The following ZCRB1 variants were observed in gnomAD, a reference collection of about 807,000 sequenced individuals.
ZCRB1 encodes zinc finger CCHC-type and RNA-binding motif-containing protein 1.
A neutral mutation model predicts 29.9 loss-of-function variants in ZCRB1; 21 were observed. The ratio of observed to expected loss-of-function variants is 0.70; its 90% CI spans 0.50 to 1.01. The LOEUF (loss-of-function observed/expected upper bound fraction) is 1.01, where lower values mean the gene tolerates loss of function less well. ZCRB1 is among the 50% of genes least tolerant of loss of function. The pLI is 0.00. For synonymous variants in ZCRB1, 77 were observed against 80.0 expected, an observed-to-expected ratio of 0.96 and a Z score of 0.20; for missense variants, 204 against 253.3, an observed-to-expected ratio of 0.81 and a Z score of 1.32.
At chr12:42,313,830 C>G (rs202175958) in intron 6 of ZCRB1, 44 bp downstream of exon 6, 2 of 1,610,460 alleles carry the variant, frequency 1.2e-6, no homozygotes, top group Non-Finnish European at 1.7e-6. Context: ...AACCAAAAGA[C>G]AAAAGCAACA....
rs2068578002 is a variant in ZCRB1 at position 42,313,189 on chromosome 12, T to C, written c.532A>G (p.Ile178Val). ...SQAIAFQQAK[I>V]EEEQKKWKPS... ...TTCCATTTTTTTTGTTCTTCTTCAATTTTGGCTTGCTGTGATTCAAAAAAC... is the reference window on the plus strand; with the variant it reads ...TTCCATTTTTTTTGTTCTTCTTCAACTTTGGCTTGCTGTGATTCAAAAAAC... The change falls in exon 8 of 8, where the codon ATT (isoleucine) becomes GTT (valine). Residue 178 changes from isoleucine to valine, a missense_variant. By Grantham distance (29) the Ile-to-Val change is conservative (BLOSUM62 3). Transcript: ENST00000266529. 6.2e-7 allele frequency: 1 copy of C among 1,609,368 alleles called. No individual in the cohort carries two copies. The highest frequency in any genetic ancestry group is 1.3e-5 in the African/African-American group (1 of 74,586).
chr12:42,318,533 GGA>G (rs1230308927), intron 3 of ZCRB1, among the ~76,000 whole-genome samples: 1 of 152,178 alleles, frequency 6.6e-6, no homozygotes, highest in African/African-American at 2.4e-5. Flanking sequence ...TGAGTGACAA[GGA>G]GAGTTATGAG....
At chr12:42,315,754 T>C (rs1423414149) in intron 5 of ZCRB1, among the ~76,000 whole-genome samples, 1 of 152,222 alleles carries the variant, frequency 6.6e-6, no homozygotes, top group Non-Finnish European at 1.5e-5. Context: ...AATCTGAATA[T>C]AACTACCTTC....
intron 5 of ZCRB1, among the ~76,000 whole-genome samples, chr12:42,316,240 ACC>A (rs2068594094): frequency 1.3e-5 from 2 of 150,732 alleles, no homozygotes; most frequent in African/African-American, 4.9e-5. Flanking sequence ...GATTACAGGC[ACC>A]TGCCACCATG....
chr12:42,317,283 T>A (rs2068599403), intron 5 of ZCRB1, 57 bp downstream of exon 5: 1 of 1,248,414 alleles, frequency 8.0e-7, no homozygotes, highest in Non-Finnish European at 1.1e-6. Flanking sequence ...AATAAAAGAC[T>A]GATGTGAAAA....
intron 1 of ZCRB1, among the ~76,000 whole-genome samples, chr12:42,324,518 C>A (rs967166751): frequency 6.6e-6 from 1 of 152,006 alleles, no homozygotes; most frequent in Non-Finnish European, 1.5e-5. Flanking sequence ...TGGAAAAAAA[C>A]AAAAAACAAA....
chr12:42,316,166 C>T (rs1285223055), intron 5 of ZCRB1, among the ~76,000 whole-genome samples: 1 of 152,154 alleles, frequency 6.6e-6, no homozygotes, highest in Non-Finnish European at 1.5e-5. Flanking sequence ...GTAATCTCGG[C>T]TCACTGCAAC....
At chr12:42,323,958 G>A in intron 2 of ZCRB1, 61 bp downstream of exon 2, 2 of 1,375,232 alleles carry the variant, frequency 1.5e-6, no homozygotes, top group South Asian at 2.5e-5. Context: ...TTGCCAGGGA[G>A]AACTATTTGC....
chr12:42,314,765 A>G (rs2068587053), intron 5 of ZCRB1, among the ~76,000 whole-genome samples: 1 of 152,122 alleles, frequency 6.6e-6, no homozygotes, highest in Non-Finnish European at 1.5e-5. Context: ...CCGCCTGGCC[A>G]ACATGGGGAA....
At chr12:42,322,669 G>A (rs2068627692) in intron 2 of ZCRB1, among the ~76,000 whole-genome samples, 1 of 152,116 alleles carries the variant, frequency 6.6e-6, no homozygotes, top group African/African-American at 2.4e-5. Flanking sequence ...TGACAATGGA[G>A]TAAATACAGA....
At chr12:42,313,814 GCAAC>G in intron 6 of ZCRB1, 49 bp from the exon 7 acceptor site, 1 of 1,611,100 alleles carries the variant, frequency 6.2e-7, no homozygotes, top group Non-Finnish European at 8.5e-7. Context: ...ATAATCAAAA[GCAAC>G]CAACCAAAAG....
Position 42,313,160 on chromosome 12 carries a change from G to T in ZCRB1, c.561C>A (p.Pro187=). ...CTGATGTTGAGGGGACTCCTGAACT[G>T]GGTTTCCATTTTTTTTGTTCTTCTT... ...KIEEEQKKWK[P]SSGVPSTSDD... is the part of the protein sequence containing the mutation. Residue 187 remains proline (P), a synonymous_variant, in exon 8 of 8, where the codon CCC becomes CCA. Transcript: ENST00000266529. 1 of 1,611,488 alleles carries T rather than the reference G, an allele frequency of 6.2e-7. No individual in the cohort carries two copies. Among genetic ancestry groups the T allele is most frequent in the South Asian group, 1.1e-5 (1 of 90,372 alleles).
intron 5 of ZCRB1, among the ~76,000 whole-genome samples, 172 bp downstream of exon 5, chr12:42,317,168 A>G (rs2068598609): frequency 6.6e-6 from 1 of 152,242 alleles, no homozygotes; most frequent in South Asian, 2.1e-4. Context: ...TGACTGCATC[A>G]CTGCACTGGG....
Position 42,312,493 on chromosome 12 carries a change from A to G in ZCRB1, c.*574T>C, listed in dbSNP as rs952334260. The G allele has an allele frequency of 1.3e-5, 2 of 152,198 alleles. No homozygotes were observed. Among genetic ancestry groups the G allele is most frequent in the African/African-American group, 4.8e-5 (2 of 41,450 alleles). 9.4% of individuals were successfully genotyped at this position (152,198 alleles called of 1,614,324 possible). A position where few individuals can be genotyped will look rare whatever the true frequency, so the allele number is the denominator to read the frequency against. ...TATTGAGGAAGGTAGGAGAAGTATA[A>G]GAGATTGAATAATTCTCCTTTATTC... On this transcript the variant is annotated 3_prime_UTR_variant, in exon 8 of 8. Coordinates refer to ENST00000266529, the MANE Select transcript of ZCRB1 (RefSeq NM_033114.4).
At chr12:42,316,657 G>C (rs760933501) in intron 5 of ZCRB1, among the ~76,000 whole-genome samples, 1 of 152,114 alleles carries the variant, frequency 6.6e-6, no homozygotes, top group Non-Finnish European at 1.5e-5. Context: ...ATCCCATAGA[G>C]GATAAAGTCA....
intron 5 of ZCRB1, among the ~76,000 whole-genome samples, chr12:42,315,429 C>T (rs1037584038): frequency 1.3e-5 from 2 of 151,934 alleles, no homozygotes; most frequent in African/African-American, 4.8e-5. Context: ...GGACATAGCC[C>T]AACTTAAAGA....
At chr12:42,317,133 G>A (rs561655199) in intron 5 of ZCRB1, among the ~76,000 whole-genome samples, 29 of 152,270 alleles carry the variant, frequency 1.9e-4, no homozygotes, top group African/African-American at 4.6e-4. Flanking sequence ...AGTTGGGCCC[G>A]GGAGGTAGAG....
At chr12:42,313,233 T>TGTTTAATATTATTTATG in intron 7 of ZCRB1, 35 bp from the exon 8 acceptor site, 1 of 1,580,728 alleles carries the variant, frequency 6.3e-7, no homozygotes, top group Non-Finnish European at 8.6e-7. Context: ...ACCAATAACC[T>TGTTTAATATTATTTATG]GTTTAATATT....
chr12:42,317,282 C>A (rs2137529778), intron 5 of ZCRB1, 58 bp downstream of exon 5: 1 of 1,240,830 alleles, frequency 8.1e-7, no homozygotes, highest in Non-Finnish European at 1.1e-6. Context: ...AAATAAAAGA[C>A]TGATGTGAAA....
Sources: gnomAD v4.1 joint callset for allele counts (sites outside exome capture counted in the v4.1 genomes callset) on GRCh38, gnomAD v4.1.1 for gene constraint, MANE v1.5 for transcripts, NCBI Gene and HGNC (gene_info 2026-07-23, HGNC 2026-07-21) for gene names.